The following BCHE variants were observed in gnomAD, a reference collection of about 807,000 sequenced individuals.
The protein encoded by BCHE is butyrylcholinesterase.
BCHE carries 48 observed loss-of-function variants against 51.3 expected under a neutral mutation model. The ratio of observed to expected loss-of-function variants is 0.94; its 90% CI spans 0.74 to 1.19. The LOEUF (loss-of-function observed/expected upper bound fraction) is 1.19, where lower values mean the gene tolerates loss of function less well. Among genes scored for constraint, BCHE ranks in the 50% most tolerant of loss-of-function variants. The probability of loss-of-function intolerance (pLI) is 0.00; values close to 1 mark genes in which losing one functional copy is unlikely to be tolerated. For missense variants in BCHE, 847 were observed against 708.2 expected (o/e 1.20, Z -2.23); for synonymous variants, 251 against 238.0 (o/e 1.05, Z -0.50).
At chr3:165,825,814 A>G (rs372137783) in intron 2 of BCHE, among the ~76,000 whole-genome samples, 1 of 152,126 alleles carries the variant, frequency 6.6e-6, no homozygotes, top group South Asian at 2.1e-4. Context: ...AGTCAATGAG[A>G]GATAAACCCA....
intron 2 of BCHE, among the ~76,000 whole-genome samples, chr3:165,798,537 A>G (rs982084148): frequency 3.3e-5 from 5 of 152,184 alleles, no homozygotes; most frequent in African/African-American, 1.2e-4. Flanking sequence ...GGAAGCTGAG[A>G]TTGTCCAATA....
intron 2 of BCHE, among the ~76,000 whole-genome samples, chr3:165,807,262 C>T (rs893404327): frequency 1.3e-5 from 2 of 151,728 alleles, no homozygotes; most frequent in African/African-American, 4.8e-5. Context: ...ACCTTTCTGA[C>T]ATAATATGAT....
chr3:165,800,697 T>C (rs1458216246), intron 2 of BCHE, among the ~76,000 whole-genome samples: 1 of 152,110 alleles, frequency 6.6e-6, no homozygotes, highest in East Asian at 1.9e-4. Flanking sequence ...TAGTTTTCTG[T>C]TGATTTTTTA....
rs1232219342 is a variant in BCHE, at chr3:165,773,450, A to G, written c.1741T>C (p.Tyr581His). Residue 581 changes from tyrosine (Y) to histidine (H), a missense_variant, in exon 4 of 4, where the codon TAC becomes CAC. Tyr to His is a moderately conservative substitution (Grantham distance 83, BLOSUM62 2). Coordinates refer to ENST00000264381, the MANE Select transcript of BCHE (RefSeq NM_000055.4). ...WKAGFHRWNN[Y>H]MMDWKNQFND... The stretch of plus-strand genomic sequence containing the variant: ...AATTGATTTTTCCAGTCCATCATGT[A>G]ATTGTTCCAGCGATGGAATCCTGCT... 2 of 1,608,750 alleles carry G rather than the reference A, an allele frequency of 1.2e-6. No individual in the cohort carries two copies. Among genetic ancestry groups the G allele is most frequent in the Admixed American group, 1.7e-5 (1 of 59,924 alleles).
At chr3:165,795,910 T>C (rs1713357390) in intron 2 of BCHE, among the ~76,000 whole-genome samples, 1 of 151,910 alleles carries the variant, frequency 6.6e-6, no homozygotes, top group South Asian at 2.1e-4. Context: ...TGGATATAGG[T>C]TTTTATGAGA....
In BCHE at chr3:165,812,084, C is replaced by A. The variant is rs112827679; in HGVS notation, c.1517+17433G>T. 1.3e-3 allele frequency among the ~76,000 whole-genome samples: 195 copies of A among 152,092 alleles called. 1 individual carries two copies. The highest frequency in any genetic ancestry group is 4.4e-3 in the African/African-American group (181 of 41,536). On this transcript the variant is annotated intron_variant, in intron 2 of 3. Coordinates refer to ENST00000264381, the MANE Select transcript of BCHE (RefSeq NM_000055.4). ...ACCTTCAAGAACAGACGGAGGACCA[C>A]CTGAATTACATCAGGAATAAACAAG...
chr3:165,825,595 A>G (rs1316414164), intron 2 of BCHE, among the ~76,000 whole-genome samples: 1 of 152,042 alleles, frequency 6.6e-6, no homozygotes, highest in Non-Finnish European at 1.5e-5. Flanking sequence ...GTACATGTGC[A>G]CAACGTACAG....
chr3:165,801,323 ATTT>A (rs1246166947), intron 2 of BCHE, among the ~76,000 whole-genome samples: 1 of 152,222 alleles, frequency 6.6e-6, no homozygotes, highest in African/African-American at 2.4e-5. Context: ...GAAAACTATT[ATTT>A]AATAACTTAT....
chr3:165,820,217 T>C (rs764564435), intron 2 of BCHE, among the ~76,000 whole-genome samples: 5 of 152,136 alleles, frequency 3.3e-5, no homozygotes, highest in Non-Finnish European at 5.9e-5. Flanking sequence ...GACATCGGAT[T>C]TCTCTATCTC....
At chr3:165,785,063 G>T (rs1265530809) in intron 3 of BCHE, among the ~76,000 whole-genome samples, 1 of 151,660 alleles carries the variant, frequency 6.6e-6, no homozygotes, top group African/African-American at 2.4e-5. Context: ...TTCCCAAGCA[G>T]ATGGAGTACA....
intron 1 of BCHE, among the ~76,000 whole-genome samples, chr3:165,835,880 A>G (rs1715171087): frequency 6.6e-6 from 1 of 151,904 alleles, no homozygotes; most frequent in Non-Finnish European, 1.5e-5. Context: ...CTATCTATTC[A>G]ATTACAATTC....
At chr3:165,820,051 A>AATCG (rs1275469156) in intron 2 of BCHE, among the ~76,000 whole-genome samples, 1 of 152,198 alleles carries the variant, frequency 6.6e-6, no homozygotes, top group Non-Finnish European at 1.5e-5. Context: ...TTTCCAAGTA[A>AATCG]ATCGATCCTA....
intron 2 of BCHE, among the ~76,000 whole-genome samples, chr3:165,815,715 T>C (rs1337114763): frequency 6.6e-6 from 1 of 152,048 alleles, no homozygotes; most frequent in Non-Finnish European, 1.5e-5. Flanking sequence ...ACATAAGAAG[T>C]ATATTCTTTA....
At chr3:165,780,560 A>G (rs762112075) in intron 3 of BCHE, among the ~76,000 whole-genome samples, 13 of 152,192 alleles carry the variant, frequency 8.5e-5, no homozygotes, top group Non-Finnish European at 1.8e-4. Context: ...AAACAAATTT[A>G]TAAGAGAAAA....
At chr3:165,794,553 T>C (rs922981814) in intron 2 of BCHE, among the ~76,000 whole-genome samples, 7 of 152,244 alleles carry the variant, frequency 4.6e-5, no homozygotes, top group African/African-American at 1.7e-4. Flanking sequence ...TGTCCTCACA[T>C]AGTAGAAGGG....
chr3:165,836,633 T>A (rs1323579400), intron 1 of BCHE, among the ~76,000 whole-genome samples: 3 of 152,212 alleles, frequency 2.0e-5, no homozygotes, highest in East Asian at 3.9e-4. Flanking sequence ...GTACATTTGC[T>A]TACTATTTCT....
At chr3:165,789,448 T>G (rs2108205039) in intron 2 of BCHE, among the ~76,000 whole-genome samples, 1 of 152,114 alleles carries the variant, frequency 6.6e-6, no homozygotes, top group South Asian at 2.1e-4. Context: ...TGAAGAAAAA[T>G]TATGCATCTA....
intron 2 of BCHE, among the ~76,000 whole-genome samples, chr3:165,818,620 T>C (rs1714393848): frequency 6.6e-6 from 1 of 152,106 alleles, no homozygotes; most frequent in South Asian, 2.1e-4. Flanking sequence ...ATCTGGAATA[T>C]TTAGACTCTT....
intron 2 of BCHE, among the ~76,000 whole-genome samples, chr3:165,826,481 C>G (rs930137677): frequency 4.6e-5 from 7 of 151,858 alleles, no homozygotes; most frequent in Admixed American, 1.3e-4. Flanking sequence ...ATTGACTGGA[C>G]ATGGGGAGTA....
Sources: allele counts gnomAD v4.1 joint callset (sites outside exome capture counted in the v4.1 genomes callset), GRCh38; gene constraint gnomAD v4.1.1; transcripts MANE v1.5; gene names NCBI Gene and HGNC (gene_info 2026-07-23, HGNC 2026-07-21).